Variants in ELOVL5 observed in about 807,000 individuals in gnomAD.
ELOVL5 encodes very long chain fatty acid elongase 5.
A neutral mutation model predicts 38.6 loss-of-function variants in ELOVL5; 8 were observed. The observed-to-expected ratio is 0.21, with a 90% CI of 0.12 to 0.37. The LOEUF (loss-of-function observed/expected upper bound fraction) is 0.37, where lower values mean the gene tolerates loss of function less well. Among genes scored for constraint, ELOVL5 ranks in the 10% least tolerant of loss-of-function variants. The pLI is 1.00. For missense variants in ELOVL5, 280 were observed against 367.8 expected (o/e 0.76, Z 1.95); for synonymous variants, 127 against 133.7 (o/e 0.95, Z 0.34).
At chr6:53,335,226 C>A (rs1343440301) in intron 1 of ELOVL5, among the ~76,000 whole-genome samples, 1 of 152,218 alleles carries the variant, frequency 6.6e-6, no homozygotes, top group African/African-American at 2.4e-5. Flanking sequence ...GCTCCTCACC[C>A]CCTGAAAGCA....
chr6:53,298,477 AT>A (rs962470417), intron 1 of ELOVL5, among the ~76,000 whole-genome samples: 1 of 151,920 alleles, frequency 6.6e-6, no homozygotes, highest in East Asian at 1.9e-4. Flanking sequence ...GAAACCCCCC[AT>A]TTTTTTTCAC....
Position 53,343,096 on chromosome 6 carries a change from G to A in ELOVL5, c.-9+5721C>T, listed in dbSNP as rs1036421168. Among the ~76,000 whole-genome samples the A allele has an allele frequency of 5.3e-5, 8 of 152,316 alleles. No individual in the cohort carries two copies. In the East Asian group the frequency reaches 1.5e-3, roughly 29 times the overall value. ...CTGAAAATCAGGTCAGGATAGGCCA[G>A]AACATCTCCAGCAGTGATGTTTTAA... is the stretch of plus-strand genomic sequence containing the variant. On this transcript the variant is annotated intron_variant, in intron 1 of 7. Coordinates refer to ENST00000304434, the MANE Select transcript of ELOVL5 (RefSeq NM_021814.5).
At chr6:53,269,402 C>A in intron 7 of ELOVL5, 132 bp from the exon 8 acceptor site, 1 of 590,678 alleles carries the variant, frequency 1.7e-6, no homozygotes, top group Non-Finnish European at 2.7e-6. Context: ...CTCCTGAGGT[C>A]AAGTCCTCAT....
At chr6:53,297,304 T>A (rs1301734493) in intron 1 of ELOVL5, among the ~76,000 whole-genome samples, 1 of 152,158 alleles carries the variant, frequency 6.6e-6, no homozygotes, top group Non-Finnish European at 1.5e-5. Flanking sequence ...CCCCTCTTAA[T>A]CCACAGTTTT....
intron 1 of ELOVL5, among the ~76,000 whole-genome samples, chr6:53,343,499 C>T (rs1206426065): frequency 6.6e-6 from 1 of 152,198 alleles, no homozygotes; most frequent in Non-Finnish European, 1.5e-5. Flanking sequence ...AGGTGTGAGC[C>T]ACCGTGCCCA....
intron 1 of ELOVL5, among the ~76,000 whole-genome samples, chr6:53,296,559 T>G (rs1767009413): frequency 6.6e-6 from 1 of 152,188 alleles, no homozygotes; most frequent in African/African-American, 2.4e-5. Context: ...ATTCTTACTG[T>G]GGGGATCACA....
chr6:53,298,988 T>C (rs1767138890), intron 1 of ELOVL5, among the ~76,000 whole-genome samples: 1 of 151,664 alleles, frequency 6.6e-6, no homozygotes, highest in Non-Finnish European at 1.5e-5. Flanking sequence ...AAAAGGAATG[T>C]ACTAATTAAA....
intron 1 of ELOVL5, among the ~76,000 whole-genome samples, chr6:53,319,609 C>T (rs1408817644): frequency 6.6e-6 from 1 of 152,184 alleles, no homozygotes; most frequent in African/African-American, 2.4e-5. Context: ...CTTTATTTCT[C>T]ATTTAGAATA....
intron 1 of ELOVL5, among the ~76,000 whole-genome samples, chr6:53,298,917 T>TA (rs1200311302): frequency 6.9e-6 from 1 of 144,988 alleles, no homozygotes; most frequent in Non-Finnish European, 1.5e-5. Flanking sequence ...GGGGAGTTGA[T>TA]AATATATCAG....
rs1343517555 is a variant in ELOVL5 at position 53,278,811 on chromosome 6, G to A, written c.247-2555C>T. ...CACCTACCACACTTCCACTGGGGCC[G>A]CTGTGCCCCTCAAACCACTGAATTC... is the stretch of plus-strand genomic sequence containing the variant. On this transcript the variant is annotated intron_variant, in intron 3 of 7. Transcript: ENST00000304434. Among the ~76,000 whole-genome samples, 7 of 152,228 alleles carry A rather than the reference G, an allele frequency of 4.6e-5. No individual in the cohort carries two copies. In the East Asian group the frequency reaches 9.7e-4, roughly 21 times the overall value.
intron 1 of ELOVL5, among the ~76,000 whole-genome samples, chr6:53,326,208 C>T (rs1485454885): frequency 1.3e-5 from 2 of 152,192 alleles, no homozygotes; most frequent in African/African-American, 4.8e-5. Context: ...CCTAGCTGCA[C>T]CACCAAGGCC....
intron 1 of ELOVL5, among the ~76,000 whole-genome samples, chr6:53,306,013 C>T (rs1417805505): frequency 1.6e-4 from 24 of 151,656 alleles, no homozygotes; most frequent in Non-Finnish European, 3.5e-4. Context: ...ACCAGCCCGG[C>T]CAACACAGCG....
chr6:53,324,677 A>C (rs1768451471), intron 1 of ELOVL5, among the ~76,000 whole-genome samples: 1 of 59,118 alleles, frequency 1.7e-5, no homozygotes, highest in Non-Finnish European at 5.8e-5. Flanking sequence ...CCTGTCAAAA[A>C]AAAAAAAAAA....
chr6:53,282,181 T>C (rs549915056), intron 3 of ELOVL5, among the ~76,000 whole-genome samples: 2 of 152,358 alleles, frequency 1.3e-5, no homozygotes, highest in South Asian at 2.1e-4. Flanking sequence ...TTAAGTACTT[T>C]TGCTTCCAAC....
intron 2 of ELOVL5, among the ~76,000 whole-genome samples, chr6:53,293,046 T>C (rs1196016640): frequency 6.6e-6 from 1 of 152,032 alleles, no homozygotes. Flanking sequence ...GGCGGGAAAC[T>C]CCTTGGCAGC....
chr6:53,346,056 C>A (rs553104657), intron 1 of ELOVL5, among the ~76,000 whole-genome samples: 1 of 152,158 alleles, frequency 6.6e-6, no homozygotes, highest in African/African-American at 2.4e-5. Flanking sequence ...TGCTCTCCCT[C>A]CCCTTGCCCC....
Position 53,295,674 on chromosome 6 carries a change from C to T in ELOVL5, c.26G>A (p.Ser9Asn). 6.3e-7 allele frequency: 1 copy of T among 1,596,034 alleles called. No homozygotes were observed. The highest frequency in any genetic ancestry group is 8.5e-7 in the Non-Finnish European group (1 of 1,174,992). ...GCCTAGCAATGCCTTGAAATAGGTACTAAGTGATGCATCAAAATGTTCCAT... is the reference window on the plus strand; with the variant it reads ...GCCTAGCAATGCCTTGAAATAGGTATTAAGTGATGCATCAAAATGTTCCAT... MEHFDASLSTYFKALLGPR... is the reference protein window; with the variant it reads MEHFDASLNTYFKALLGPR... The change falls in exon 2 of 8, where the codon AGT (serine) becomes AAT (asparagine). Residue 9 changes from serine to asparagine, a missense_variant. By Grantham distance (46) the Ser-to-Asn change is conservative. Around this residue, in one of 3 missense-constraint regions of ELOVL5, gnomAD observed 150 missense variants for 178.0 expected, o/e 0.84. Transcript: ENST00000304434.
intron 1 of ELOVL5, among the ~76,000 whole-genome samples, chr6:53,326,614 G>C (rs909332408): frequency 6.6e-6 from 1 of 152,116 alleles, no homozygotes; most frequent in Non-Finnish European, 1.5e-5. Context: ...TCCTCCCGCA[G>C]AGCCCCAGAC....
chr6:53,325,453 T>C (rs1768502877), intron 1 of ELOVL5, among the ~76,000 whole-genome samples: 1 of 152,228 alleles, frequency 6.6e-6, no homozygotes, highest in South Asian at 2.1e-4. Flanking sequence ...TGTAGATATT[T>C]ATGCCTGTCA....
Sources: gnomAD v4.1 joint callset for allele counts (sites outside exome capture counted in the v4.1 genomes callset) on GRCh38, gnomAD v4.1.1 for gene constraint, gnomAD v4.1.1 regional missense constraint, MANE v1.5 for transcripts, NCBI Gene and HGNC (gene_info 2026-07-23, HGNC 2026-07-21) for gene names.